HSD17B12: variants seen among roughly 807,000 people sequenced by gnomAD.
HSD17B12 encodes the protein hydroxysteroid 17-beta dehydrogenase 12.
HSD17B12 carries 32 observed loss-of-function variants against 39.3 expected under a neutral mutation model. That is an observed-to-expected ratio of 0.81 (90% CI 0.61 to 1.09). The LOEUF is 1.09. HSD17B12 is among the 50% of genes least tolerant of loss of function. The pLI is 0.00. For missense variants in HSD17B12, 342 were observed against 382.9 expected, an observed-to-expected ratio of 0.89 and a Z score of 0.89; for synonymous variants, 150 against 146.7, an observed-to-expected ratio of 1.02 and a Z score of -0.16.
intron 1 of HSD17B12, among the ~76,000 whole-genome samples, chr11:43,693,473 G>T (rs1949881789): frequency 6.6e-6 from 1 of 152,018 alleles, no homozygotes; most frequent in East Asian, 1.9e-4. Flanking sequence ...CCATGCTCTT[G>T]GTACACCCTA....
intron 1 of HSD17B12, chr11:43,718,553 C>T: frequency 2.4e-6 from 1 of 418,388 alleles, no homozygotes; most frequent in Non-Finnish European, 4.3e-6. Context: ...TAGATGCTCT[C>T]ATTTAAAAAG....
In HSD17B12 at chr11:43,807,083, A is replaced by G. The variant is rs568813162; in HGVS notation, c.392-8354A>G. ...AAAGATCAGACAAAATGTTAACTGT[A>G]CAGTACCTTTTCTTTCCTTTTTTTT... On this transcript the variant is annotated intron_variant, in intron 4 of 10. Transcript: ENST00000278353. 5.3e-5 allele frequency among the ~76,000 whole-genome samples: 8 copies of G among 152,334 alleles called. No individual in the cohort carries two copies. The East Asian group carries it at 1.5e-3, about 29-fold the overall frequency.
chr11:43,610,337 G>A, the HSD17B12 span, among the ~76,000 whole-genome samples: 3 of 152,178 alleles, frequency 2.0e-5, no homozygotes, highest in Non-Finnish European at 4.4e-5. Flanking sequence ...AATGATCACT[G>A]TTTAATAAGG....
chr11:43,799,143 T>C (rs1054950673), intron 4 of HSD17B12, among the ~76,000 whole-genome samples: 2 of 152,142 alleles, frequency 1.3e-5, no homozygotes. Context: ...GAGAAGACTT[T>C]AGAGATTTTT....
chr11:43,672,761 A>G, the HSD17B12 span, among the ~76,000 whole-genome samples: 1 of 151,716 alleles, frequency 6.6e-6, no homozygotes, highest in Non-Finnish European at 1.5e-5. Flanking sequence ...GACTGGTCAC[A>G]AACTCCTGAC....
chr11:43,820,589 A>G (rs1951172557), intron 6 of HSD17B12, among the ~76,000 whole-genome samples: 1 of 152,212 alleles, frequency 6.6e-6, no homozygotes, highest in African/African-American at 2.4e-5. Flanking sequence ...GCTGGACATC[A>G]GGGGAACTGG....
chr11:43,835,875 T>G (rs1951365608), intron 7 of HSD17B12, among the ~76,000 whole-genome samples: 1 of 152,170 alleles, frequency 6.6e-6, no homozygotes, highest in South Asian at 2.1e-4. Context: ...TGCATGAATG[T>G]GACATTGGAT....
intron 1 of HSD17B12, among the ~76,000 whole-genome samples, chr11:43,726,905 G>A (rs142778508): frequency 6.6e-6 from 1 of 152,240 alleles, no homozygotes; most frequent in East Asian, 1.9e-4. Context: ...TTGGGAGGTG[G>A]GGGGCCATGG....
At chr11:43,677,060 T>A (rs1364036183), upstream of HSD17B12, among the ~76,000 whole-genome samples, 1 of 152,080 alleles carries the variant, frequency 6.6e-6, no homozygotes, top group Non-Finnish European at 1.5e-5. Context: ...CCAAATTCAA[T>A]TAAAATAAAA....
the HSD17B12 span, among the ~76,000 whole-genome samples, chr11:43,560,147 G>A: frequency 0.014 from 2,127 of 152,222 alleles, 49 homozygotes; most frequent in African/African-American, 0.045. Flanking sequence ...ACACAAGAGC[G>A]TTTAACTCAT....
intron 1 of HSD17B12, among the ~76,000 whole-genome samples, chr11:43,689,500 G>A (rs1022769895): frequency 3.3e-5 from 5 of 151,982 alleles, no homozygotes. Context: ...TATTTGTCTC[G>A]TGGCTTTGAA....
At chr11:43,561,814 T>A in the HSD17B12 span, among the ~76,000 whole-genome samples, 3 of 152,186 alleles carry the variant, frequency 2.0e-5, no homozygotes, top group African/African-American at 7.2e-5. Flanking sequence ...GCAGCGACAG[T>A]CCAGTTAGTG....
intron 7 of HSD17B12, among the ~76,000 whole-genome samples, chr11:43,832,199 C>G (rs1951318018): frequency 6.6e-6 from 1 of 152,104 alleles, no homozygotes; most frequent in Admixed American, 6.5e-5. Context: ...CAGACCAGAA[C>G]CCTAGAAGAT....
chr11:43,608,998 C>G, the HSD17B12 span, among the ~76,000 whole-genome samples: 3 of 152,126 alleles, frequency 2.0e-5, no homozygotes, highest in African/African-American at 7.2e-5. Flanking sequence ...GGTCACAGTT[C>G]ACTGCAGCCT....
chr11:43,696,774 A>G (rs937846957), intron 1 of HSD17B12, among the ~76,000 whole-genome samples: 2 of 152,208 alleles, frequency 1.3e-5, no homozygotes, highest in Non-Finnish European at 2.9e-5. Flanking sequence ...AATGCCCATC[A>G]GTGACAGACT....
intron 4 of HSD17B12, among the ~76,000 whole-genome samples, chr11:43,805,356 G>A (rs1951008103): frequency 6.6e-6 from 1 of 152,106 alleles, no homozygotes; most frequent in Non-Finnish European, 1.5e-5. Context: ...GGCTATTTTA[G>A]TTAGTGAAAG....
rs1162703128 is a variant in HSD17B12, at chr11:43,854,795, T to C, written c.765T>C (p.Phe255=). 6.2e-7 allele frequency: 1 copy of C among 1,614,214 alleles called. No individual in the cohort carries two copies. Among genetic ancestry groups the C allele is most frequent in the Admixed American group, 1.7e-5 (1 of 60,022 alleles). The change falls in exon 10 of 11, where the codon TTT becomes TTC. Residue 255 remains phenylalanine (F), a synonymous_variant. Transcript: ENST00000278353. ...PTLDKPSPET[F]VKSAIKTVGL... ...TGGATAAGCCCTCTCCGGAGACGTTTGTGAAGTCTGCAATTAAAACAGTCG... is the reference window on the plus strand; with the variant it reads ...TGGATAAGCCCTCTCCGGAGACGTTCGTGAAGTCTGCAATTAAAACAGTCG...
intron 7 of HSD17B12, chr11:43,833,650 C>T (rs1269255053): frequency 2.0e-5 from 3 of 152,204 alleles, no homozygotes; most frequent in Non-Finnish European, 4.4e-5. Flanking sequence ...CTGCTCTTTA[C>T]ACCATCCCCA....
At chr11:43,594,527 CTT>C in the HSD17B12 span, among the ~76,000 whole-genome samples, 2 of 144,170 alleles carry the variant, frequency 1.4e-5, no homozygotes. Context: ...TTTCTTTTCT[CTT>C]TTTTTTTTTT....
Sources: gnomAD v4.1 joint callset for allele counts (sites outside exome capture counted in the v4.1 genomes callset) on GRCh38, gnomAD v4.1.1 for gene constraint, MANE v1.5 for transcripts, NCBI Gene and HGNC (gene_info 2026-07-23, HGNC 2026-07-21) for gene names.